The following VXN variants were observed in gnomAD, a reference collection of about 807,000 sequenced individuals.
VXN encodes vexin.
In VXN, 7 loss-of-function variants were observed where a neutral mutation model predicts 23.1. The observed-to-expected ratio is 0.30, with a 90% CI of 0.17 to 0.57. The LOEUF is 0.57. Ranked by LOEUF, VXN falls within the 20% of genes least tolerant of loss-of-function variation. The pLI is 0.91. For synonymous variants in VXN, 120 were observed against 105.8 expected, an observed-to-expected ratio of 1.13 and a Z score of -0.83; for missense variants, 238 against 272.6, an observed-to-expected ratio of 0.87 and a Z score of 0.89.
intron 5 of VXN, among the ~76,000 whole-genome samples, 199 bp from the exon 6 acceptor site, chr8:66,515,694 C>T (rs1476354379): frequency 6.6e-6 from 1 of 152,204 alleles, no homozygotes; most frequent in Non-Finnish European, 1.5e-5. Flanking sequence ...GGGTCACCTC[C>T]TCCATTCATG....
chr8:66,503,430 G>C (rs185878268), intron 2 of VXN: 1 of 152,238 alleles, frequency 6.6e-6, no homozygotes, highest in Non-Finnish European at 1.5e-5. Context: ...ATAAGGAGAA[G>C]TGTGAATCAA....
chr8:66,498,266 C>G (rs1293666621), intron 2 of VXN, among the ~76,000 whole-genome samples: 1 of 151,168 alleles, frequency 6.6e-6, no homozygotes, highest in Admixed American at 6.6e-5. Context: ...CCAGGGAGTT[C>G]GAGGCTAGAG....
At chr8:66,510,236 G>A in intron 4 of VXN, 79 bp downstream of exon 4, 1 of 1,164,650 alleles carries the variant, frequency 8.6e-7, no homozygotes, top group South Asian at 1.4e-5. Flanking sequence ...GTGCCATGAA[G>A]AGAGACTCAG....
At chr8:66,496,394 G>T in intron 1 of VXN, 43 bp from the exon 2 acceptor site, 1 of 1,590,960 alleles carries the variant, frequency 6.3e-7, no homozygotes, top group East Asian at 2.2e-5. Context: ...TGTCAGCCTC[G>T]CTGATGTTGT....
chr8:66,501,453 T>G (rs901679689), intron 2 of VXN: 2 of 152,190 alleles, frequency 1.3e-5, no homozygotes, highest in African/African-American at 4.8e-5. Flanking sequence ...AGGAAAATGC[T>G]CCCAACTTTC....
chr8:66,510,878 T>C (rs1807814167), intron 4 of VXN, among the ~76,000 whole-genome samples: 1 of 152,210 alleles, frequency 6.6e-6, no homozygotes, highest in African/African-American at 2.4e-5. Flanking sequence ...CCAAAGGTCC[T>C]GCTCCCAATA....
rs1425824195 is a variant in VXN at position 66,510,454 on chromosome 8, G to A, written c.342+297G>A. 2.8e-5 allele frequency: 8 copies of A among 287,240 alleles called. No homozygotes were observed. In the Admixed American group the frequency reaches 3.9e-4, roughly 14 times the overall value. 17.8% of individuals were successfully genotyped at this position (287,240 alleles called of 1,614,324 possible). On this transcript the variant is annotated intron_variant, in intron 4 of 5. Coordinates refer to ENST00000305454, the MANE Select transcript of VXN (RefSeq NM_152765.4). ...ACATGGTGAGGGGTGGGGGCAGGAT[G>A]GACTGGTTTCTATCACAGGACCCCG...
Position 66,513,560 on chromosome 8 carries a change from C to G in VXN, c.363C>G (p.Ile121Met), listed in dbSNP as rs1304543941. 6.2e-7 allele frequency: 1 copy of G among 1,614,070 alleles called. No homozygotes were observed. The highest frequency in any genetic ancestry group is 8.5e-7 in the Non-Finnish European group (1 of 1,180,026). The change falls in exon 5 of 6, where the codon ATC (isoleucine) becomes ATG (methionine). Residue 121 changes from isoleucine (I) to methionine (M), a missense_variant. Physicochemically the swap from Ile to Met is conservative, Grantham distance 10. Coordinates refer to ENST00000305454, the MANE Select transcript of VXN (RefSeq NM_152765.4). ...GKSLIPPVPR[I>M]SVKTSASASL... ...GACAGATACCGCCAGTGCCCCGGAT[C>G]TCAGTGAAAACTTCAGCCTCTGCCT...
intron 5 of VXN, chr8:66,513,939 G>T: frequency 3.1e-6 from 1 of 319,684 alleles, no homozygotes; most frequent in Non-Finnish European, 5.7e-6. Flanking sequence ...GTAATCACGA[G>T]CCATATTCAG....
intron 5 of VXN, 98 bp downstream of exon 5, chr8:66,513,735 C>A: frequency 2.1e-6 from 2 of 934,266 alleles, no homozygotes. Context: ...GACAGACCCT[C>A]GAGAGGCCAA....
At position 66,515,979 on chromosome 8, in the gene VXN, C is replaced by T. The variant is rs754362036; in HGVS notation, c.527C>T (p.Ser176Phe). The T allele has an allele frequency of 6.2e-7, 1 of 1,613,992 alleles. No homozygotes were observed. Among genetic ancestry groups the T allele is most frequent in the Non-Finnish European group, 8.5e-7 (1 of 1,180,010 alleles). ...TCTCTACCACTGACAGGCAGTGCTT[C>T]CTGCGGCGTCCCCGGCATCCTCCGG... is the stretch of plus-strand genomic sequence containing the variant. ...EASLPLTGSA[S>F]CGVPGILRKM... Residue 176 changes from serine to phenylalanine, a missense_variant, in exon 6 of 6, where the codon TCC becomes TTC. Physicochemically the swap from Ser to Phe is radical, Grantham distance 155. Around this residue, in one of 2 missense-constraint regions of VXN, gnomAD observed 223 missense variants for 236.9 expected, o/e 0.94. Transcript: ENST00000305454.
At chr8:66,507,848 G>A (rs914647763) in intron 3 of VXN, among the ~76,000 whole-genome samples, 1 of 152,176 alleles carries the variant, frequency 6.6e-6, no homozygotes, top group Non-Finnish European at 1.5e-5. Flanking sequence ...GTCAAGAAAG[G>A]TGCCTGTTTC....
At chr8:66,502,876 T>G (rs113599279) in intron 2 of VXN, among the ~76,000 whole-genome samples, 6,002 of 151,244 alleles carry the variant, frequency 0.04, 154 homozygotes, top group Non-Finnish European at 0.059. Flanking sequence ...AGATGGGGTC[T>G]CACTCTGTCC....
chr8:66,515,393 G>T lies in VXN; in HGVS notation c.441-500G>T, dbSNP rs139687114. ...TGCCAGATGCTTCACTCTTTCATTTGCCTCCTCCAAAAAGCCCCATGAGTT... is the reference window on the plus strand; with the variant it reads ...TGCCAGATGCTTCACTCTTTCATTTTCCTCCTCCAAAAAGCCCCATGAGTT... On this transcript the variant is annotated intron_variant, in intron 5 of 5. Coordinates refer to ENST00000305454, the MANE Select transcript of VXN (RefSeq NM_152765.4). 2.2e-3 allele frequency among the ~76,000 whole-genome samples: 336 copies of T among 152,300 alleles called. 1 individual carries two copies. The highest frequency in any genetic ancestry group is 7.6e-3 in the African/African-American group (317 of 41,558).
chr8:66,496,801 A>C (rs1023931124), intron 2 of VXN, among the ~76,000 whole-genome samples: 10 of 151,978 alleles, frequency 6.6e-5, no homozygotes, highest in African/African-American at 2.2e-4. Flanking sequence ...AGCATTCCTG[A>C]TCTAGGTGTT....
intron 1 of VXN, among the ~76,000 whole-genome samples, chr8:66,495,342 T>C (rs914745663): frequency 2.0e-5 from 3 of 152,298 alleles, no homozygotes; most frequent in Admixed American, 2.0e-4. Flanking sequence ...AACGAAGTGG[T>C]TAAGAGACTG....
intron 2 of VXN, among the ~76,000 whole-genome samples, chr8:66,502,627 G>A (rs555816958): frequency 6.6e-6 from 1 of 152,042 alleles, no homozygotes; most frequent in Non-Finnish European, 1.5e-5. Context: ...GGCGCCTGTA[G>A]TCCTAGCTAC....
At position 66,518,003 on chromosome 8, in the gene VXN, CTG is replaced by C. The variant is rs965380174; in HGVS notation, c.*1928_*1929del. 2.0e-5 allele frequency: 3 copies of C among 152,250 alleles called. No individual in the cohort carries two copies. Among genetic ancestry groups the C allele is most frequent in the Admixed American group, 1.3e-4 (2 of 15,276 alleles). The allele number at this position is 152,250 out of a possible 1,614,324, so 9.4% of individuals were successfully genotyped here. A position where few individuals can be genotyped will look rare whatever the true frequency, so the allele number is the denominator to read the frequency against. On this transcript the variant is annotated 3_prime_UTR_variant, in exon 6 of 6. Coordinates refer to ENST00000305454, the MANE Select transcript of VXN (RefSeq NM_152765.4). ...TGCTCTTCAACCATTGTTTTAGACT[CTG>C]AACACCAGATCCTCATATCTGAAAG...
intron 4 of VXN, 116 bp downstream of exon 4, chr8:66,510,273 AT>A: frequency 2.3e-6 from 2 of 878,296 alleles, no homozygotes; most frequent in Non-Finnish European, 1.7e-6. Flanking sequence ...CCTGAGGATT[AT>A]TAGAAAAGCA....
Sources: allele counts gnomAD v4.1 joint callset (sites outside exome capture counted in the v4.1 genomes callset), GRCh38; gene constraint gnomAD v4.1.1; regional missense constraint gnomAD v4.1.1; transcripts MANE v1.5; gene names NCBI Gene and HGNC (gene_info 2026-07-23, HGNC 2026-07-21).